Variants in MAP3K9 observed in about 807,000 individuals in gnomAD.
MAP3K9 encodes the protein mitogen-activated protein kinase kinase kinase 9.
In MAP3K9, 46 loss-of-function variants were observed where a neutral mutation model predicts 95.8. The ratio of observed to expected loss-of-function variants is 0.48; its 90% confidence interval spans 0.38 to 0.61. The LOEUF is 0.61. Ranked by LOEUF, MAP3K9 falls within the 20% of genes least tolerant of loss-of-function variation. MAP3K9 has a pLI of 0.00. For missense variants in MAP3K9, 1,296 were observed against 1,474.3 expected, an observed-to-expected ratio of 0.88 and a Z score of 1.98; for synonymous variants, 533 against 593.8, an observed-to-expected ratio of 0.90 and a Z score of 1.49.
intron 2 of MAP3K9, among the ~76,000 whole-genome samples, chr14:70,779,787 C>T (rs1001265956): frequency 6.6e-6 from 1 of 152,220 alleles, no homozygotes; most frequent in Non-Finnish European, 1.5e-5. Flanking sequence ...CTGAGAACAG[C>T]CACTCCTTGC....
chr14:70,746,977 C>T (rs999044706), intron 5 of MAP3K9, among the ~76,000 whole-genome samples: 1 of 152,216 alleles, frequency 6.6e-6, no homozygotes, highest in Admixed American at 6.5e-5. Flanking sequence ...TGCTCAACAG[C>T]CAGTGCAAGT....
At chr14:70,806,376 T>G (rs771395134) in intron 1 of MAP3K9, among the ~76,000 whole-genome samples, 2 of 152,220 alleles carry the variant, frequency 1.3e-5, no homozygotes, top group Admixed American at 1.3e-4. Context: ...TATCACTCAC[T>G]AGGTACTCAA....
intron 2 of MAP3K9, among the ~76,000 whole-genome samples, chr14:70,795,760 C>A (rs1019254379): frequency 4.3e-5 from 6 of 139,304 alleles, no homozygotes; most frequent in African/African-American, 1.5e-4. Context: ...TTTTTTCATT[C>A]TTTTTTCTTT....
Position 70,748,833 on chromosome 14 carries a change from T to C in MAP3K9, c.1322A>G (p.Glu441Gly). ...QEMFDQLRAK[E>G]KELRTWEEEL... ...TGTTTTTTTTGTTTTGTTTACCTTT[T>C]CTTTGGCCCTGAGTTGGTCAAACAT... The change falls in exon 5 of 12, where the codon GAA (glutamate) becomes GGA (glycine). Residue 441 changes from glutamate (E) to glycine (G), a missense_variant. Glu to Gly is a moderately conservative substitution (Grantham distance 98). Around this residue, in one of 5 missense-constraint regions of MAP3K9, gnomAD observed 377 missense variants for 417.1 expected, o/e 0.90. Transcript: ENST00000554752. 1 of 1,585,148 alleles carries C rather than the reference T, an allele frequency of 6.3e-7. No individual in the cohort carries two copies. Among genetic ancestry groups the C allele is most frequent in the South Asian group, 1.2e-5 (1 of 85,396 alleles).
chr14:70,762,570 C>A (rs1277679027), intron 2 of MAP3K9, among the ~76,000 whole-genome samples: 1 of 152,082 alleles, frequency 6.6e-6, no homozygotes, highest in Non-Finnish European at 1.5e-5. Context: ...TCCACTCAAT[C>A]CTTTGCCCAT....
At chr14:70,795,276 G>A (rs1197973324) in intron 2 of MAP3K9, among the ~76,000 whole-genome samples, 1 of 135,052 alleles carries the variant, frequency 7.4e-6, no homozygotes, top group Non-Finnish European at 1.6e-5. Flanking sequence ...GATTACAGGC[G>A]TGAGCCACCA....
At chr14:70,781,074 C>G (rs1161225976) in intron 2 of MAP3K9, among the ~76,000 whole-genome samples, 1 of 152,224 alleles carries the variant, frequency 6.6e-6, no homozygotes, top group Non-Finnish European at 1.5e-5. Context: ...GACACTTTTC[C>G]CACTGAGAGG....
intron 2 of MAP3K9, among the ~76,000 whole-genome samples, chr14:70,785,148 A>AT (rs1309940209): frequency 1.3e-5 from 2 of 152,320 alleles, no homozygotes; most frequent in African/African-American, 4.8e-5. Context: ...TGGGCAGGGC[A>AT]TTGTTAAACC....
At chr14:70,768,660 T>C (rs1178081819) in intron 2 of MAP3K9, among the ~76,000 whole-genome samples, 1 of 152,074 alleles carries the variant, frequency 6.6e-6, no homozygotes, top group Non-Finnish European at 1.5e-5. Context: ...AAATCGGGGG[T>C]GTCTTGCCAC....
chr14:70,745,856 G>A (rs2054139798), intron 5 of MAP3K9, among the ~76,000 whole-genome samples: 1 of 152,178 alleles, frequency 6.6e-6, no homozygotes, highest in Non-Finnish European at 1.5e-5. Flanking sequence ...ATAAATGAAT[G>A]AAGAGAAATA....
chr14:70,805,076 A>T, intron 1 of MAP3K9, among the ~76,000 whole-genome samples: 1 of 152,218 alleles, frequency 6.6e-6, no homozygotes, highest in East Asian at 1.9e-4. Context: ...TGCATTCAGC[A>T]CATTTTTCAG....
rs750078206 is a variant in MAP3K9, at chr14:70,809,044, ACCG to A, written c.125_127del (p.Ala42del). ...GTCGCAGCCCAGCTCCCCGGGGCCC[ACCG>A]CCGCCGCCGCCTCCTCCTCCTCCTC... On this transcript the variant is annotated inframe_deletion, in exon 1 of 12. Coordinates refer to ENST00000554752, the MANE Select transcript of MAP3K9 (RefSeq NM_001284230.2). 114 of 1,441,800 alleles carry A rather than the reference ACCG, an allele frequency of 7.9e-5. No individual in the cohort carries two copies. The highest frequency in any genetic ancestry group is 4.1e-4 in the Admixed American group (17 of 41,090). The allele number at this position is 1,441,800 out of a possible 1,614,324, so 89.3% of individuals were successfully genotyped here. A position where few individuals can be genotyped will look rare whatever the true frequency, so the allele number is the denominator to read the frequency against.
In MAP3K9 at chr14:70,725,571, C is replaced by G. The variant is rs1036203389; in HGVS notation, c.*4809G>C. ...CCAGGTAGCAATGCCAGGGAAAAGC[C>G]CAGGACTGAGGTCCTCTCCAGAAAT... On this transcript the variant is annotated 3_prime_UTR_variant, in exon 12 of 12. Transcript: ENST00000554752. 3 of 152,124 alleles carry G rather than the reference C, an allele frequency of 2.0e-5. No individual in the cohort carries two copies. Among genetic ancestry groups the G allele is most frequent in the African/African-American group, 7.2e-5 (3 of 41,416 alleles). The allele number at this position is 152,124 out of a possible 1,614,324, so 9.4% of individuals were successfully genotyped here.
chr14:70,722,994 C>T lies in MAP3K9; in HGVS notation c.*7386G>A, dbSNP rs2053773713. 1 of 152,162 alleles carries T rather than the reference C, an allele frequency of 6.6e-6. No individual in the cohort carries two copies. The highest frequency in any genetic ancestry group is 2.4e-5 in the African/African-American group (1 of 41,430). The allele number at this position is 152,162 out of a possible 1,614,324, so 9.4% of individuals were successfully genotyped here. A position where few individuals can be genotyped will look rare whatever the true frequency, so the allele number is the denominator to read the frequency against. ...GTAAAACCCATCTCCAATTCCTTTC[C>T]TTAATCCTCTACAAGCCTTAGACTA... is the stretch of plus-strand genomic sequence containing the variant. On this transcript the variant is annotated 3_prime_UTR_variant, in exon 12 of 12. Transcript: ENST00000554752.
chr14:70,765,865 C>T (rs889129631), intron 2 of MAP3K9, among the ~76,000 whole-genome samples: 5 of 151,620 alleles, frequency 3.3e-5, no homozygotes, highest in Admixed American at 1.3e-4. Context: ...CTGATGTTCG[C>T]ACGATGATGA....
intron 2 of MAP3K9, among the ~76,000 whole-genome samples, chr14:70,783,857 C>A (rs1331048370): frequency 6.6e-6 from 1 of 152,242 alleles, no homozygotes; most frequent in African/African-American, 2.4e-5. Flanking sequence ...CCACACAGGG[C>A]TCTGCAATTA....
chr14:70,800,862 C>G lies in MAP3K9; in HGVS notation c.625G>C (p.Val209Leu), dbSNP rs755556091. The G allele has an allele frequency of 6.2e-7, 1 of 1,614,186 alleles. No individual in the cohort carries two copies. Among genetic ancestry groups the G allele is most frequent in the East Asian group, 2.2e-5 (1 of 44,884 alleles). ...CAGAGGTTGGGCTCCTTCAGACATA[C>G]CCCTCTTAGGGCAATGATGTTGGGG... The part of the protein sequence containing the change: ...KHPNIIALRG[V>L]CLKEPNLCLV... The change falls in exon 2 of 12, where the codon GTA becomes CTA. Residue 209 changes from valine to leucine, a missense_variant. Val to Leu is a conservative substitution (Grantham distance 32, BLOSUM62 1). Coordinates refer to ENST00000554752, the MANE Select transcript of MAP3K9 (RefSeq NM_001284230.2).
chr14:70,764,600 G>A (rs369634786), intron 2 of MAP3K9, among the ~76,000 whole-genome samples: 3 of 152,106 alleles, frequency 2.0e-5, no homozygotes, highest in African/African-American at 7.2e-5. Context: ...GGAGGTCAAG[G>A]TGGGAGGATC....
At chr14:70,734,316 A>T in intron 10 of MAP3K9, 70 bp downstream of exon 10, 1 of 1,078,984 alleles carries the variant, frequency 9.3e-7, no homozygotes, top group Non-Finnish European at 1.4e-6. Context: ...AAATGGTCCT[A>T]GAAGCTTGGG....
Sources: gnomAD v4.1 joint callset for allele counts (sites outside exome capture counted in the v4.1 genomes callset) on GRCh38, gnomAD v4.1.1 for gene constraint, gnomAD v4.1.1 regional missense constraint, MANE v1.5 for transcripts, NCBI Gene and HGNC (gene_info 2026-07-23, HGNC 2026-07-21) for gene names.